EEA1: variants seen among roughly 807,000 people sequenced by gnomAD.
The protein encoded by EEA1 is early endosome antigen 1, also known as early endosome antigen 1, 162kD.
A neutral mutation model predicts 209.2 loss-of-function variants in EEA1; 111 were observed. The observed-to-expected ratio is 0.53, with a 90% CI of 0.45 to 0.62. The LOEUF is 0.62. Ranked by LOEUF, EEA1 falls within the 20% of genes least tolerant of loss-of-function variation. The pLI, the probability that EEA1 is intolerant of heterozygous loss-of-function variation, is 0.00. For synonymous variants in EEA1, 536 were observed against 540.6 expected (o/e 0.99, Z 0.12); for missense variants, 1,343 against 1,530.8 (o/e 0.88, Z 2.05).
At chr12:92,877,335 A>C (rs900694583) in intron 2 of EEA1, among the ~76,000 whole-genome samples, 7 of 151,896 alleles carry the variant, frequency 4.6e-5, no homozygotes, top group African/African-American at 1.7e-4. Flanking sequence ...TTTTAAAAGA[A>C]TAGATTCAAT....
rs1292389515 is a variant in EEA1 at position 92,852,940 on chromosome 12, T to C, written c.492A>G (p.Lys164=). ...IKQMKDLFEQ[K]AAQLATEIAD... ...CAATTTCAGTAGCAAGTTGGGCTGC[T>C]TTCTGTTCAAATAAGTCTTTCATTT... Residue 164 remains lysine (K), a synonymous_variant, in exon 7 of 29, where the codon AAA becomes AAG. Coordinates refer to ENST00000322349, the MANE Select transcript of EEA1 (RefSeq NM_003566.4). 6.2e-7 allele frequency: 1 copy of C among 1,611,300 alleles called. No individual in the cohort carries two copies. Among genetic ancestry groups the C allele is most frequent in the Non-Finnish European group, 8.5e-7 (1 of 1,179,088 alleles).
chr12:92,812,933 C>G, intron 16 of EEA1, 47 bp downstream of exon 16: 1 of 1,305,218 alleles, frequency 7.7e-7, no homozygotes, highest in Non-Finnish European at 1.1e-6. Context: ...ATTTATTTAT[C>G]TACCAAAGCA....
At chr12:92,827,667 C>T (rs1348359901) in intron 12 of EEA1, among the ~76,000 whole-genome samples, 1 of 152,170 alleles carries the variant, frequency 6.6e-6, no homozygotes, top group Non-Finnish European at 1.5e-5. Flanking sequence ...TGGGTTCACC[C>T]CCAGAATTTT....
intron 2 of EEA1, among the ~76,000 whole-genome samples, chr12:92,887,061 GA>G (rs1003333414): frequency 6.6e-6 from 1 of 151,472 alleles, no homozygotes; most frequent in Non-Finnish European, 1.5e-5. Flanking sequence ...TTCTAGGAAT[GA>G]AAAAAAGACA....
rs1157198553 is a variant in EEA1, at chr12:92,772,553, A to T, written c.*3458T>A. 1 of 152,168 alleles carries T rather than the reference A, an allele frequency of 6.6e-6. No homozygotes were observed. The highest frequency in any genetic ancestry group is 6.6e-5 in the Admixed American group (1 of 15,232). The allele number at this position is 152,168 out of a possible 1,614,324, so 9.4% of individuals were successfully genotyped here. On this transcript the variant is annotated 3_prime_UTR_variant, in exon 29 of 29. Coordinates refer to ENST00000322349, the MANE Select transcript of EEA1 (RefSeq NM_003566.4). The stretch of plus-strand genomic sequence containing the variant: ...TTTAATATAATATTTAAACATATTA[A>T]AAAAAAGCAACAATTCAATAAGGAT...
At chr12:92,908,617 T>TAA (rs36071627) in intron 1 of EEA1, among the ~76,000 whole-genome samples, 1 of 151,584 alleles carries the variant, frequency 6.6e-6, no homozygotes, top group Non-Finnish European at 1.5e-5. Flanking sequence ...AAAAAATTGC[T>TAA]AAAAAAAGAA....
intron 10 of EEA1, among the ~76,000 whole-genome samples, chr12:92,833,199 G>C (rs1419645426): frequency 6.6e-6 from 1 of 152,112 alleles, no homozygotes; most frequent in Non-Finnish European, 1.5e-5. Context: ...ATTATTTTGA[G>C]TAACAATATA....
intron 1 of EEA1, among the ~76,000 whole-genome samples, chr12:92,901,531 T>C (rs571651883): frequency 6.6e-6 from 1 of 151,744 alleles, no homozygotes; most frequent in Non-Finnish European, 1.5e-5. Context: ...ATTTTAAATA[T>C]ACTCCTCATG....
At chr12:92,798,232 G>A (rs1874740779) in intron 21 of EEA1, among the ~76,000 whole-genome samples, 1 of 151,808 alleles carries the variant, frequency 6.6e-6, no homozygotes, top group Non-Finnish European at 1.5e-5. Flanking sequence ...ATCCCACTTT[G>A]TAATTTTTAT....
chr12:92,780,595 A>G (rs1373926146), intron 23 of EEA1, among the ~76,000 whole-genome samples, 184 bp from the exon 24 acceptor site: 1 of 152,180 alleles, frequency 6.6e-6, no homozygotes, highest in Non-Finnish European at 1.5e-5. Flanking sequence ...GAACAATAAT[A>G]AAATAATTGT....
At chr12:92,792,293 T>C (rs913299504) in intron 21 of EEA1, among the ~76,000 whole-genome samples, 19 of 150,654 alleles carry the variant, frequency 1.3e-4, no homozygotes, top group African/African-American at 3.7e-4. Flanking sequence ...ATGAAGGAGA[T>C]AGAGACACAA....
At chr12:92,864,409 A>C (rs1878283090) in intron 3 of EEA1, among the ~76,000 whole-genome samples, 2 of 152,280 alleles carry the variant, frequency 1.3e-5, no homozygotes, top group Non-Finnish European at 2.9e-5. Context: ...AAAATGGCCA[A>C]GAAAAATTAC....
At chr12:92,907,069 A>C (rs1049366683) in intron 1 of EEA1, among the ~76,000 whole-genome samples, 1 of 152,214 alleles carries the variant, frequency 6.6e-6, no homozygotes, top group Non-Finnish European at 1.5e-5. Context: ...TAAAGCGAGA[A>C]GTTATCTTTG....
At chr12:92,906,388 C>T (rs1315102265) in intron 1 of EEA1, among the ~76,000 whole-genome samples, 1 of 152,144 alleles carries the variant, frequency 6.6e-6, no homozygotes, top group Non-Finnish European at 1.5e-5. Context: ...GTCATCATGC[C>T]TGGCCCTGGC....
intron 10 of EEA1, among the ~76,000 whole-genome samples, chr12:92,836,390 T>C (rs1269593015): frequency 6.6e-6 from 1 of 152,204 alleles, no homozygotes; most frequent in Non-Finnish European, 1.5e-5. Flanking sequence ...TCAATATATA[T>C]TCTTACAGCG....
intron 17 of EEA1, among the ~76,000 whole-genome samples, chr12:92,810,378 A>G (rs888433629): frequency 6.6e-6 from 1 of 152,104 alleles, no homozygotes; most frequent in Non-Finnish European, 1.5e-5. Context: ...AAGAATTCTC[A>G]TTAGACACTT....
chr12:92,778,082 C>A lies in EEA1; in HGVS notation c.3752G>T (p.Gly1251Val). The A allele has an allele frequency of 3.1e-6, 5 of 1,613,360 alleles. No individual in the cohort carries two copies. The highest frequency in any genetic ancestry group is 4.2e-6 in the Non-Finnish European group (5 of 1,179,510). ...AGATTGCCACTCCTTCTTCACAGTG[C>A]CTAAGTTTTCATTTAATGCTGTAAT... ...MQITALNENL[G>V]TVKKEWQSSQ... Residue 1251 changes from glycine (G) to valine (V), a missense_variant, in exon 26 of 29, where the codon GGC becomes GTC. Physicochemically the swap from Gly to Val is moderately radical, Grantham distance 109 (BLOSUM62 -3). Coordinates refer to ENST00000322349, the MANE Select transcript of EEA1 (RefSeq NM_003566.4).
intron 10 of EEA1, among the ~76,000 whole-genome samples, chr12:92,834,065 A>G (rs143990647): frequency 6.6e-6 from 1 of 152,274 alleles, no homozygotes; most frequent in Non-Finnish European, 1.5e-5. Context: ...AACAAGTTTC[A>G]GGTGGGGTGA....
At chr12:92,910,299 T>C (rs1880531039) in intron 1 of EEA1, among the ~76,000 whole-genome samples, 2 of 151,640 alleles carry the variant, frequency 1.3e-5, no homozygotes, top group Admixed American at 6.6e-5. Flanking sequence ...GTGAAACCCA[T>C]CTCTACTAAA....
Sources: gnomAD v4.1 joint callset for allele counts (sites outside exome capture counted in the v4.1 genomes callset) on GRCh38, gnomAD v4.1.1 for gene constraint, MANE v1.5 for transcripts, NCBI Gene and HGNC (gene_info 2026-07-23, HGNC 2026-07-21) for gene names.